FAM240B: variants seen among roughly 807,000 people sequenced by gnomAD.
FAM240B encodes the protein family with sequence similarity 240 member B.
At chr9:38,711,839 G>A (rs1564001542) in intron 1 of FAM240B, among the ~76,000 whole-genome samples, 1 of 151,608 alleles carries the variant, frequency 6.6e-6, no homozygotes, top group Non-Finnish European at 1.5e-5. Flanking sequence ...TTTGTTTTTA[G>A]TAGAGATGGG....
At chr9:38,714,322 G>A (rs1821287401) in intron 1 of FAM240B, among the ~76,000 whole-genome samples, 1 of 152,110 alleles carries the variant, frequency 6.6e-6, no homozygotes, top group South Asian at 2.1e-4. Flanking sequence ...ATTGATCAGT[G>A]GTAAAAATGA....
chr9:38,703,755 C>A (rs371751723), intron 2 of FAM240B, 102 bp downstream of exon 2: 1 of 397,362 alleles, frequency 2.5e-6, no homozygotes, highest in Non-Finnish European at 4.4e-6. Flanking sequence ...TACCTTCCTA[C>A]AGCAGTGGGT....
At chr9:38,703,028 A>C (rs928770913) in intron 2 of FAM240B, among the ~76,000 whole-genome samples, 1 of 152,120 alleles carries the variant, frequency 6.6e-6, no homozygotes, top group Non-Finnish European at 1.5e-5. Context: ...GTGTGTGGAG[A>C]TCTTACAGAT....
At chr9:38,717,351 C>A (rs543597028) in intron 1 of FAM240B, among the ~76,000 whole-genome samples, 1 of 152,136 alleles carries the variant, frequency 6.6e-6, no homozygotes, top group South Asian at 2.1e-4. Context: ...GAGGCCAAGG[C>A]GGGCGGATCA....
chr9:38,714,373 A>G (rs544719689), intron 1 of FAM240B, among the ~76,000 whole-genome samples: 1 of 152,338 alleles, frequency 6.6e-6, no homozygotes, highest in East Asian at 1.9e-4. Flanking sequence ...CTTGCATGAC[A>G]TCAAAGATAT....
intron 1 of FAM240B, among the ~76,000 whole-genome samples, chr9:38,716,740 T>G (rs1821307641): frequency 1.3e-5 from 2 of 152,220 alleles, no homozygotes; most frequent in Admixed American, 1.3e-4. Flanking sequence ...TGGCCTTCAC[T>G]AATGAATGTT....
intron 1 of FAM240B, among the ~76,000 whole-genome samples, chr9:38,719,279 T>C (rs1821345364): frequency 6.7e-6 from 1 of 150,332 alleles, no homozygotes. Flanking sequence ...TTTTCTACAG[T>C]GTACATCTCT....
intron 1 of FAM240B, among the ~76,000 whole-genome samples, chr9:38,717,774 T>G (rs556051400): frequency 5.9e-5 from 9 of 152,120 alleles, no homozygotes; most frequent in African/African-American, 2.2e-4. Context: ...GAGCCACTGC[T>G]CCCGGCCAAG....
intron 2 of FAM240B, among the ~76,000 whole-genome samples, chr9:38,701,547 G>T (rs1821127916): frequency 6.6e-6 from 1 of 152,158 alleles, no homozygotes; most frequent in Non-Finnish European, 1.5e-5. Context: ...TAAGCGTGAT[G>T]GCTCTGGTGG....
At chr9:38,717,958 C>T (rs552375906) in intron 1 of FAM240B, among the ~76,000 whole-genome samples, 5 of 152,268 alleles carry the variant, frequency 3.3e-5, no homozygotes, top group African/African-American at 7.2e-5. Context: ...CCAAAGACAC[C>T]CACTGTTAAT....
chr9:38,701,907 A>AACACACACAC (rs112042925), intron 2 of FAM240B, among the ~76,000 whole-genome samples: 35 of 151,282 alleles, frequency 2.3e-4, no homozygotes, highest in Non-Finnish European at 4.4e-4. Flanking sequence ...AAAATAGGAG[A>AACACACACAC]ACACACACAC....
At chr9:38,712,713 A>C (rs1821269790) in intron 1 of FAM240B, among the ~76,000 whole-genome samples, 1 of 152,192 alleles carries the variant, frequency 6.6e-6, no homozygotes, top group Non-Finnish European at 1.5e-5. Context: ...ATATGATCTT[A>C]AAATTATCTC....
intron 1 of FAM240B, among the ~76,000 whole-genome samples, chr9:38,707,972 T>C (rs187539888): frequency 6.6e-6 from 1 of 152,100 alleles, no homozygotes; most frequent in Non-Finnish European, 1.5e-5. Context: ...GGAGGGGACA[T>C]GAACTCAGAC....
chr9:38,702,472 G>A (rs1313492967), intron 2 of FAM240B, among the ~76,000 whole-genome samples: 2 of 152,174 alleles, frequency 1.3e-5, no homozygotes, highest in South Asian at 2.1e-4. Context: ...TTCCACCTGT[G>A]AGCAGACGTC....
At chr9:38,716,483 A>AAAT in intron 1 of FAM240B, among the ~76,000 whole-genome samples, 1 of 151,348 alleles carries the variant, frequency 6.6e-6, no homozygotes, top group African/African-American at 2.4e-5. Flanking sequence ...AAATAAAATA[A>AAAT]TTTTTTTAAA....
chr9:38,702,459 C>T (rs1821139949), intron 2 of FAM240B, among the ~76,000 whole-genome samples: 1 of 152,226 alleles, frequency 6.6e-6, no homozygotes. Context: ...CACATGACTA[C>T]CATTCCACCT....
At chr9:38,708,856 T>C (rs1279399328) in intron 1 of FAM240B, among the ~76,000 whole-genome samples, 1 of 152,222 alleles carries the variant, frequency 6.6e-6, no homozygotes, top group Non-Finnish European at 1.5e-5. Context: ...ACTCAGCTCA[T>C]ATTGAAGGCT....
intron 2 of FAM240B, among the ~76,000 whole-genome samples, chr9:38,703,577 C>G (rs1821153994): frequency 1.3e-5 from 2 of 152,232 alleles, no homozygotes; most frequent in African/African-American, 2.4e-5. Flanking sequence ...CTGACCAAAA[C>G]CAGGAGCTTC....
chr9:38,697,518 T>C (rs1821082290), intron 2 of FAM240B, among the ~76,000 whole-genome samples: 1 of 152,230 alleles, frequency 6.6e-6, no homozygotes. Context: ...GGCTTCGTGG[T>C]GTGCTGACGC....
Sources: allele counts gnomAD v4.1 joint callset (sites outside exome capture counted in the v4.1 genomes callset), GRCh38; gene constraint gnomAD v4.1.1; transcripts MANE v1.5; gene names NCBI Gene and HGNC (gene_info 2026-07-23, HGNC 2026-07-21).